Variants in FCHO2 observed in about 807,000 individuals in gnomAD.
FCHO2 encodes F-BAR domain only protein 2.
A neutral mutation model predicts 114.1 loss-of-function variants in FCHO2; 43 were observed. The observed-to-expected ratio is 0.38, with a 90% CI of 0.30 to 0.49. The LOEUF (loss-of-function observed/expected upper bound fraction) is 0.49, where lower values mean the gene tolerates loss of function less well. Among genes scored for constraint, FCHO2 ranks in the 20% least tolerant of loss-of-function variants. The pLI is 0.97. For missense variants in FCHO2, 807 were observed against 950.4 expected (o/e 0.85, Z 1.98); for synonymous variants, 293 against 315.2 (o/e 0.93, Z 0.75).
intron 6 of FCHO2, among the ~76,000 whole-genome samples, chr5:73,008,618 A>G (rs1031454351): frequency 6.6e-6 from 1 of 152,176 alleles, no homozygotes; most frequent in African/African-American, 2.4e-5. Context: ...GAGCCAAGTA[A>G]TCTGGGCTGG....
intron 6 of FCHO2, among the ~76,000 whole-genome samples, chr5:73,014,416 GT>G (rs1755189443): frequency 6.6e-6 from 1 of 151,252 alleles, no homozygotes; most frequent in Admixed American, 6.6e-5. Flanking sequence ...AGCCTGCCAA[GT>G]AGCTGGGATT....
chr5:73,088,295 A>T lies in FCHO2; in HGVS notation c.*205A>T. ...TGATTCTCTATGTTGTAAATGATCA[A>T]CTACAATATTCAGGAAGCACATTTA... On this transcript the variant is annotated 3_prime_UTR_variant, in exon 26 of 26. Coordinates refer to ENST00000430046, the MANE Select transcript of FCHO2 (RefSeq NM_138782.3). 1 of 597,506 alleles carries T rather than the reference A, an allele frequency of 1.7e-6. No individual in the cohort carries two copies. The highest frequency in any genetic ancestry group is 2.4e-5 in the South Asian group (1 of 40,920). 37.0% of individuals were successfully genotyped at this position (597,506 alleles called of 1,614,324 possible).
chr5:73,022,294 G>T (rs1200828081), intron 8 of FCHO2, among the ~76,000 whole-genome samples: 2 of 152,174 alleles, frequency 1.3e-5, no homozygotes, highest in Admixed American at 6.5e-5. Context: ...AAGTGGATCA[G>T]TGTTTTTCTT....
chr5:73,044,080 C>G (rs780598710), intron 11 of FCHO2, among the ~76,000 whole-genome samples: 1 of 152,156 alleles, frequency 6.6e-6, no homozygotes, highest in African/African-American at 2.4e-5. Context: ...CCTTCACTCT[C>G]TTCCTCTTAC....
At chr5:72,981,331 T>G (rs1753197611) in intron 2 of FCHO2, among the ~76,000 whole-genome samples, 1 of 152,248 alleles carries the variant, frequency 6.6e-6, no homozygotes, top group South Asian at 2.1e-4. Flanking sequence ...TCTGATAGGC[T>G]TCCCTTTGTG....
At chr5:73,026,061 C>G (rs116763247) in intron 8 of FCHO2, among the ~76,000 whole-genome samples, 1 of 151,540 alleles carries the variant, frequency 6.6e-6, no homozygotes, top group Non-Finnish European at 1.5e-5. Flanking sequence ...TTTCGGAGGC[C>G]GAGGCGACTG....
chr5:73,036,650 A>T (rs1438054046), intron 9 of FCHO2, among the ~76,000 whole-genome samples: 1 of 152,214 alleles, frequency 6.6e-6, no homozygotes, highest in Non-Finnish European at 1.5e-5. Flanking sequence ...TGCTGGGATT[A>T]TAGGCATGCA....
At chr5:73,055,711 A>G (rs1368683019) in intron 15 of FCHO2, among the ~76,000 whole-genome samples, 2 of 152,210 alleles carry the variant, frequency 1.3e-5, no homozygotes, top group African/African-American at 2.4e-5. Flanking sequence ...AAATGCATTC[A>G]TGATTCATCA....
At chr5:72,995,187 A>G (rs1258841325) in intron 5 of FCHO2, among the ~76,000 whole-genome samples, 1 of 152,156 alleles carries the variant, frequency 6.6e-6, no homozygotes, top group Non-Finnish European at 1.5e-5. Flanking sequence ...TAATCATAAT[A>G]CATATAAATG....
intron 22 of FCHO2, among the ~76,000 whole-genome samples, chr5:73,080,987 G>A (rs761658273): frequency 2.3e-4 from 35 of 152,058 alleles, no homozygotes; most frequent in Non-Finnish European, 4.4e-5. Flanking sequence ...GCACAAGCCT[G>A]TAGTCCTAGC....
At chr5:73,063,995 C>T in intron 18 of FCHO2, 51 bp downstream of exon 18, 3 of 1,466,888 alleles carry the variant, frequency 2.0e-6, no homozygotes, top group Non-Finnish European at 1.9e-6. Flanking sequence ...ATTTAAGATG[C>T]AAATGCTATT....
chr5:73,085,286 T>A (rs1743259335), intron 24 of FCHO2, among the ~76,000 whole-genome samples: 1 of 151,174 alleles, frequency 6.6e-6, no homozygotes, highest in South Asian at 2.1e-4. Context: ...GAGGTGGAGG[T>A]TGCAGTGAGC....
chr5:73,068,869 G>C, intron 19 of FCHO2, 90 bp downstream of exon 19: 1 of 1,375,842 alleles, frequency 7.3e-7, no homozygotes, highest in Non-Finnish European at 9.6e-7. Context: ...GGCTAATGAA[G>C]AATTTAACAT....
intron 2 of FCHO2, among the ~76,000 whole-genome samples, chr5:72,971,897 C>A (rs1317514015): frequency 6.6e-6 from 1 of 151,962 alleles, no homozygotes; most frequent in African/African-American, 2.4e-5. Context: ...AGGAAGGGAT[C>A]CAGTTTCAGC....
chr5:72,979,773 A>G (rs966591298), intron 2 of FCHO2, among the ~76,000 whole-genome samples: 14 of 152,086 alleles, frequency 9.2e-5, no homozygotes, highest in African/African-American at 2.2e-4. Context: ...TTGTAATTCT[A>G]TTGGATCAGT....
chr5:72,971,333 C>T (rs1752540912), intron 2 of FCHO2, among the ~76,000 whole-genome samples: 1 of 151,162 alleles, frequency 6.6e-6, no homozygotes, highest in Non-Finnish European at 1.5e-5. Flanking sequence ...TAAAAGTGTT[C>T]CTATTTCTCC....
intron 2 of FCHO2, among the ~76,000 whole-genome samples, chr5:72,982,335 G>T (rs1386415203): frequency 6.6e-6 from 1 of 152,200 alleles, no homozygotes; most frequent in African/African-American, 2.4e-5. Flanking sequence ...GGGAGCTGCA[G>T]ACTGGAGCTG....
intron 2 of FCHO2, among the ~76,000 whole-genome samples, chr5:72,969,651 T>C (rs1049559929): frequency 1.3e-5 from 2 of 152,244 alleles, no homozygotes; most frequent in Non-Finnish European, 2.9e-5. Flanking sequence ...GCCCTGTTTA[T>C]GTTAGTCACC....
Position 73,081,795 on chromosome 5 carries a change from G to A in FCHO2, c.1993G>A (p.Gly665Ser). Residue 665 changes from glycine to serine, a missense_variant, in exon 23 of 26, where the codon GGT becomes AGT. By Grantham distance (56) the Gly-to-Ser change is moderately conservative (BLOSUM62 0). Coordinates refer to ENST00000430046, the MANE Select transcript of FCHO2 (RefSeq NM_138782.3). ...DVLKYQVSSN[G>S]IQSTPLNLAT... ...TTTCTCTTTAAAGGTATCATCAAAT[G>A]GTATTCAGTCCACTCCTCTGAATCT... is the stretch of plus-strand genomic sequence containing the variant. 2 of 1,530,700 alleles carry A rather than the reference G, an allele frequency of 1.3e-6. No individual in the cohort carries two copies. Among genetic ancestry groups the A allele is most frequent in the South Asian group, 1.3e-5 (1 of 78,044 alleles). The allele number at this position is 1,530,700 out of a possible 1,614,324, so 94.8% of individuals were successfully genotyped here.
Sources: gnomAD v4.1 joint callset for allele counts (sites outside exome capture counted in the v4.1 genomes callset) on GRCh38, gnomAD v4.1.1 for gene constraint, MANE v1.5 for transcripts, NCBI Gene and HGNC (gene_info 2026-07-23, HGNC 2026-07-21) for gene names.